Variants in SLC16A7 observed in about 807,000 individuals in gnomAD.
SLC16A7 encodes monocarboxylate transporter 2.
SLC16A7 carries 33 observed loss-of-function variants against 34.9 expected under a neutral mutation model. The observed-to-expected ratio is 0.94, with a 90% CI of 0.72 to 1.26. SLC16A7 has a LOEUF of 1.26. Among genes scored for constraint, SLC16A7 ranks in the 50% most tolerant of loss-of-function variants. The pLI is 0.00. For synonymous variants in SLC16A7, 201 were observed against 206.6 expected (o/e 0.97, Z 0.23); for missense variants, 573 against 578.1 (o/e 0.99, Z 0.09).
chr12:59,730,792 T>G (rs1245582640), intron 3 of SLC16A7, among the ~76,000 whole-genome samples: 1 of 152,192 alleles, frequency 6.6e-6, no homozygotes, highest in Non-Finnish European at 1.5e-5. Context: ...ACTATTTTCC[T>G]CCACTAAAGT....
At chr12:59,713,884 T>G (rs928032251) in intron 3 of SLC16A7, among the ~76,000 whole-genome samples, 3 of 152,346 alleles carry the variant, frequency 2.0e-5, no homozygotes, top group African/African-American at 7.2e-5. Flanking sequence ...GGTGTGGCAT[T>G]GGAAAAACCA....
chr12:59,725,824 G>C (rs925862814), intron 3 of SLC16A7, among the ~76,000 whole-genome samples: 2 of 152,110 alleles, frequency 1.3e-5, no homozygotes, highest in Non-Finnish European at 2.9e-5. Flanking sequence ...TTAGGCTTCA[G>C]ACATTTCACT....
At chr12:59,770,991 ACTT>A (rs1416038293) in intron 3 of SLC16A7, among the ~76,000 whole-genome samples, 1 of 150,238 alleles carries the variant, frequency 6.7e-6, no homozygotes, top group African/African-American at 2.4e-5. Flanking sequence ...TATGTTCAAC[ACTT>A]CTAATTTATT....
intron 2 of SLC16A7, among the ~76,000 whole-genome samples, chr12:59,677,406 A>T (rs569978672): frequency 3.3e-4 from 50 of 152,352 alleles, no homozygotes; most frequent in African/African-American, 1.2e-3. Context: ...CCAAATTGGA[A>T]CTTATTCCAA....
chr12:59,733,472 C>G (rs1198875841), intron 3 of SLC16A7, among the ~76,000 whole-genome samples: 1 of 152,124 alleles, frequency 6.6e-6, no homozygotes, highest in African/African-American at 2.4e-5. Flanking sequence ...AGGCTGCTGG[C>G]TGGACCGGGC....
intron 1 of SLC16A7, among the ~76,000 whole-genome samples, chr12:59,607,346 ATAAAT>A (rs1878992705): frequency 6.6e-6 from 1 of 152,188 alleles, no homozygotes. Context: ...ACACCAATAG[ATAAAT>A]TAAAAGTCTG....
At chr12:59,625,090 A>G (rs1283366217) in intron 1 of SLC16A7, among the ~76,000 whole-genome samples, 2 of 151,734 alleles carry the variant, frequency 1.3e-5, no homozygotes, top group African/African-American at 4.8e-5. Flanking sequence ...CACTTTTTAG[A>G]TGCTTTCAAT....
At chr12:59,636,002 T>TAAAAAAAAAAAAAAA in intron 1 of SLC16A7, among the ~76,000 whole-genome samples, 1 of 144,314 alleles carries the variant, frequency 6.9e-6, no homozygotes, top group Non-Finnish European at 1.5e-5. Context: ...TGCACTTCTG[T>TAAAAAAAAAAAAAAA]AAAAAAAAAA....
chr12:59,712,629 T>C (rs1250693951), intron 3 of SLC16A7, among the ~76,000 whole-genome samples: 1 of 152,244 alleles, frequency 6.6e-6, no homozygotes, highest in African/African-American at 2.4e-5. Context: ...TAGAAGCAGA[T>C]TCCTCAAGAA....
intron 3 of SLC16A7, among the ~76,000 whole-genome samples, chr12:59,727,242 G>T (rs1876394991): frequency 6.6e-6 from 1 of 151,518 alleles, no homozygotes; most frequent in Non-Finnish European, 1.5e-5. Context: ...GTCATGAAAA[G>T]ATGAGTTAGT....
intron 2 of SLC16A7, among the ~76,000 whole-genome samples, chr12:59,687,486 A>G (rs1871250354): frequency 6.6e-6 from 1 of 152,014 alleles, no homozygotes; most frequent in African/African-American, 2.4e-5. Context: ...ATAACTTGCC[A>G]TTTTTCTAAC....
intron 1 of SLC16A7, among the ~76,000 whole-genome samples, chr12:59,598,235 T>A (rs930450472): frequency 2.0e-5 from 3 of 152,230 alleles, no homozygotes; most frequent in Non-Finnish European, 2.9e-5. Flanking sequence ...AGTAATTGTT[T>A]AACAATCTGG....
intron 2 of SLC16A7, among the ~76,000 whole-genome samples, chr12:59,690,873 G>A (rs1199912566): frequency 2.6e-5 from 4 of 151,638 alleles, no homozygotes; most frequent in African/African-American, 7.3e-5. Flanking sequence ...CTATAAGCAC[G>A]GATCGATTTC....
At chr12:59,609,264 G>T (rs570536015) in intron 1 of SLC16A7, among the ~76,000 whole-genome samples, 7 of 152,322 alleles carry the variant, frequency 4.6e-5, no homozygotes, top group African/African-American at 1.4e-4. Context: ...AACATACAGT[G>T]TCCTGGGACA....
At chr12:59,691,886 A>C (rs1288224379) in intron 2 of SLC16A7, among the ~76,000 whole-genome samples, 2 of 151,996 alleles carry the variant, frequency 1.3e-5, no homozygotes, top group Non-Finnish European at 2.9e-5. Flanking sequence ...TTGTGCCTAC[A>C]AGAAAAACAT....
chr12:59,664,301 C>A (rs748332202), intron 2 of SLC16A7, among the ~76,000 whole-genome samples: 1 of 152,116 alleles, frequency 6.6e-6, no homozygotes, highest in Non-Finnish European at 1.5e-5. Flanking sequence ...TCTTCTAAAA[C>A]GAAGATGGTA....
chr12:59,682,703 G>A (rs1177889117), intron 2 of SLC16A7, among the ~76,000 whole-genome samples: 3 of 152,078 alleles, frequency 2.0e-5, no homozygotes, highest in Admixed American at 1.3e-4. Flanking sequence ...GGTAAATGGA[G>A]GGAAAATGGA....
chr12:59,616,783 T>TAC (rs1280589454), intron 1 of SLC16A7, among the ~76,000 whole-genome samples: 1 of 152,168 alleles, frequency 6.6e-6, no homozygotes, highest in Non-Finnish European at 1.5e-5. Flanking sequence ...TGAGGAGAAC[T>TAC]ATGATACATG....
At chr12:59,606,627 T>C (rs1485128528) in intron 1 of SLC16A7, among the ~76,000 whole-genome samples, 1 of 152,144 alleles carries the variant, frequency 6.6e-6, no homozygotes, top group Non-Finnish European at 1.5e-5. Context: ...AGTCAGTGCC[T>C]CAGCCGATGT....
Sources: gnomAD v4.1 joint callset for allele counts (sites outside exome capture counted in the v4.1 genomes callset) on GRCh38, gnomAD v4.1.1 for gene constraint, MANE v1.5 for transcripts, NCBI Gene and HGNC (gene_info 2026-07-23, HGNC 2026-07-21) for gene names.